Variants in ARSG observed in about 807,000 individuals in gnomAD.
ARSG encodes the protein ASG.
ARSG carries 37 observed loss-of-function variants against 50.5 expected under a neutral mutation model. The ratio of observed to expected loss-of-function variants is 0.73; its 90% CI spans 0.56 to 0.96. The LOEUF (loss-of-function observed/expected upper bound fraction) is 0.96, where lower values mean the gene tolerates loss of function less well. Ranked by LOEUF, ARSG falls within the 50% of genes least tolerant of loss-of-function variation. The pLI, the probability that ARSG is intolerant of heterozygous loss-of-function variation, is 0.00. For synonymous variants in ARSG, 225 were observed against 254.6 expected, an observed-to-expected ratio of 0.88 and a Z score of 1.11; for missense variants, 629 against 675.3, an observed-to-expected ratio of 0.93 and a Z score of 0.76.
intron 6 of ARSG, 106 bp from the exon 7 acceptor site, chr17:68,368,442 C>A: frequency 9.9e-7 from 1 of 1,014,912 alleles, no homozygotes; most frequent in Non-Finnish European, 1.5e-6. Flanking sequence ...GCCCGTGGGG[C>A]AGAAGGAGCT....
At chr17:68,379,869 G>T in intron 8 of ARSG, 1 of 985,230 alleles carries the variant, frequency 1.0e-6, no homozygotes, top group Non-Finnish European at 1.2e-6. Flanking sequence ...CACTTCTCTG[G>T]CAGGCATTAT....
rs1334850267 is a variant in ARSG at position 68,272,534 on chromosome 17, A to G, written c.-552+13108A>G. 18 of 1,324,402 alleles carry G rather than the reference A, an allele frequency of 1.4e-5. No homozygotes were observed. The African/African-American group carries it at 2.2e-4, about 16-fold the overall frequency. The allele number at this position is 1,324,402 out of a possible 1,614,324, so 82.0% of individuals were successfully genotyped here. A position where few individuals can be genotyped will look rare whatever the true frequency, so the allele number is the denominator to read the frequency against. On this transcript the variant is annotated intron_variant, in intron 1 of 11. Coordinates refer to the ARSG transcript ENST00000448504. Reference sequence around the variant, plus strand: ...AGACGTAAATAACGTCTCATTACACATACACTGAAAGTCATCCATACTGTT... The same window carrying G: ...AGACGTAAATAACGTCTCATTACACGTACACTGAAAGTCATCCATACTGTT...
intron 1 of ARSG, among the ~76,000 whole-genome samples, chr17:68,298,193 T>C (rs980854798): frequency 1.3e-5 from 2 of 152,138 alleles, no homozygotes; most frequent in Non-Finnish European, 2.9e-5. Flanking sequence ...ACTAAATTGT[T>C]TTTTTCCTAA....
chr17:68,376,401 C>G (rs932350383), intron 8 of ARSG, among the ~76,000 whole-genome samples: 1 of 151,832 alleles, frequency 6.6e-6, no homozygotes, highest in Non-Finnish European at 1.5e-5. Context: ...CTCAGCCTCC[C>G]AAGTAGCTGG....
chr17:68,433,458 G>T, the ARSG span: 5 of 1,612,622 alleles, frequency 3.1e-6, no homozygotes, highest in African/African-American at 6.7e-5. Flanking sequence ...GTGCCCCGCG[G>T]AGTACTTGCC....
rs2075340801 is a variant in ARSG at position 68,271,556 on chromosome 17, G to A, written c.-552+12130G>A. ...GACGCTGGTCCTCTGATAAAGATGG[G>A]TCTGAGCAGTGCTCCGAAGATGACA... On this transcript the variant is annotated intron_variant, in intron 1 of 11. Coordinates refer to the ARSG transcript ENST00000448504. This position sits in a 1 kb window ranked among gnomAD's most constrained non-coding sequence, Gnocchi z 5.3. 3 of 1,614,206 alleles carry A rather than the reference G, an allele frequency of 1.9e-6. No individual in the cohort carries two copies. Among genetic ancestry groups the A allele is most frequent in the Non-Finnish European group, 2.5e-6 (3 of 1,180,022 alleles).
the ARSG span, chr17:68,444,536 C>G: frequency 1.9e-6 from 3 of 1,614,050 alleles, no homozygotes; most frequent in Non-Finnish European, 2.5e-6. Context: ...TCAACAGCTT[C>G]ATGTCTTTAA....
chr17:68,334,716 A>T (rs947779286), intron 2 of ARSG, among the ~76,000 whole-genome samples: 2 of 151,952 alleles, frequency 1.3e-5, no homozygotes, highest in African/African-American at 4.8e-5. Context: ...GGAAGGTCTG[A>T]GCTGGAGTCA....
intron 2 of ARSG, among the ~76,000 whole-genome samples, chr17:68,312,908 T>C (rs1308438816): frequency 6.6e-6 from 1 of 152,140 alleles, no homozygotes; most frequent in Non-Finnish European, 1.5e-5. Context: ...CCTTTTTATT[T>C]GTGCATGAAT....
chr17:68,394,798 A>T (rs1263172924), intron 9 of ARSG, among the ~76,000 whole-genome samples: 1 of 152,192 alleles, frequency 6.6e-6, no homozygotes, highest in Non-Finnish European at 1.5e-5. Context: ...AAACTGAGGC[A>T]TTGAGAAGCT....
At chr17:68,354,369 T>C (rs1457422421) in intron 5 of ARSG, among the ~76,000 whole-genome samples, 2 of 148,288 alleles carry the variant, frequency 1.3e-5, no homozygotes, top group Non-Finnish European at 3.0e-5. Context: ...GCTGAGATTA[T>C]GCCACTGCAC....
At chr17:68,425,116 C>T (rs963064192), downstream of ARSG, among the ~76,000 whole-genome samples, 2 of 152,222 alleles carry the variant, frequency 1.3e-5, no homozygotes, top group African/African-American at 4.8e-5. Context: ...GCTGTGGGAA[C>T]AGGCTGAGCA....
rs569930822 is a variant in ARSG at position 68,291,869 on chromosome 17, C to G, written c.-552+301C>G. ...CCCTGAGGATTTAGGGATTTAGCGG[C>G]GAGGGGGAACACGCGCGCGCCGGGG... On this transcript the variant is annotated intron_variant, in intron 1 of 11. Coordinates refer to ENST00000621439, the MANE Select transcript of ARSG (RefSeq NM_001267727.2). Among the ~76,000 whole-genome samples, 933 of 151,860 alleles carry G rather than the reference C, an allele frequency of 6.1e-3. 24 individuals carry two copies. Among genetic ancestry groups the G allele is most frequent in the Admixed American group, 0.047 (715 of 15,280 alleles).
the ARSG span, among the ~76,000 whole-genome samples, chr17:68,431,639 A>G: frequency 4.2e-5 from 2 of 48,084 alleles, no homozygotes; most frequent in Admixed American, 2.4e-4. Flanking sequence ...GGAAAGTCAG[A>G]CCAAATGTAA....
chr17:68,357,792 G>A (rs1442619358), intron 6 of ARSG, among the ~76,000 whole-genome samples: 1 of 152,152 alleles, frequency 6.6e-6, no homozygotes, highest in Non-Finnish European at 1.5e-5. Flanking sequence ...AGCTCCAGCT[G>A]CTTGGTGCTT....
chr17:68,374,731 A>C (rs2080058970), intron 8 of ARSG, among the ~76,000 whole-genome samples: 1 of 151,908 alleles, frequency 6.6e-6, no homozygotes, highest in Non-Finnish European at 1.5e-5. Flanking sequence ...GGGCACCTGT[A>C]ATCCCAGCTA....
At chr17:68,384,904 A>G (rs2147002366) in intron 8 of ARSG, among the ~76,000 whole-genome samples, 160 bp from the exon 9 acceptor site, 1 of 152,366 alleles carries the variant, frequency 6.6e-6, no homozygotes, top group East Asian at 1.9e-4. Context: ...TTTGAAAGAT[A>G]CTAGCTAGTT....
chr17:68,306,771 C>T (rs547465556), intron 1 of ARSG, among the ~76,000 whole-genome samples, 172 bp from the exon 2 acceptor site: 16 of 152,072 alleles, frequency 1.1e-4, no homozygotes, highest in South Asian at 2.1e-4. Flanking sequence ...AGGTCCATTG[C>T]GAATATTATT....
intron 2 of ARSG, among the ~76,000 whole-genome samples, chr17:68,311,957 T>C (rs1308495419): frequency 6.6e-6 from 1 of 152,074 alleles, no homozygotes; most frequent in Non-Finnish European, 1.5e-5. Flanking sequence ...TCTGCTGCCA[T>C]GCCTGGCTAA....
Sources: allele counts gnomAD v4.1 joint callset (sites outside exome capture counted in the v4.1 genomes callset), GRCh38; gene constraint gnomAD v4.1.1; non-coding constraint Gnocchi (gnomAD v3.1); transcripts MANE v1.5; gene names NCBI Gene and HGNC (gene_info 2026-07-23, HGNC 2026-07-21).